Variants in CRIM1 observed in about 807,000 individuals in gnomAD.
CRIM1 encodes cysteine rich transmembrane BMP regulator 1.
CRIM1 carries 32 observed loss-of-function variants against 116.4 expected under a neutral mutation model. The ratio of observed to expected loss-of-function variants is 0.27; its 90% confidence interval spans 0.21 to 0.37. The LOEUF is 0.37. Ranked by LOEUF, CRIM1 falls within the 10% of genes least tolerant of loss-of-function variation. CRIM1 has a pLI of 1.00. For synonymous variants in CRIM1, 590 were observed against 509.2 expected, an observed-to-expected ratio of 1.16 and a Z score of -2.13; for missense variants, 1,331 against 1,354.8, an observed-to-expected ratio of 0.98 and a Z score of 0.28.
chr2:36,462,196 G>C (rs932937734), intron 4 of CRIM1, among the ~76,000 whole-genome samples: 1 of 152,044 alleles, frequency 6.6e-6, no homozygotes, highest in African/African-American at 2.4e-5. Context: ...GAGACAACTT[G>C]TAAGGGACTT....
intron 1 of CRIM1, among the ~76,000 whole-genome samples, chr2:36,381,570 C>T (rs1279992416): frequency 6.6e-6 from 1 of 152,184 alleles, no homozygotes; most frequent in Non-Finnish European, 1.5e-5. Context: ...ACTGTGTGGA[C>T]TAGACACACT....
chr2:36,378,338 C>T, intron 1 of CRIM1: 1 of 471,204 alleles, frequency 2.1e-6, no homozygotes, highest in Non-Finnish European at 4.4e-6. Flanking sequence ...CAGGCGCCAC[C>T]TAACATGTTT....
At chr2:36,398,273 C>G (rs1040197367) in intron 2 of CRIM1, among the ~76,000 whole-genome samples, 7 of 152,152 alleles carry the variant, frequency 4.6e-5, no homozygotes, top group African/African-American at 1.7e-4. Context: ...TGTCTCTACT[C>G]AGGCCCCCTT....
chr2:36,412,618 A>G (rs1001316764), intron 2 of CRIM1, among the ~76,000 whole-genome samples: 2 of 152,318 alleles, frequency 1.3e-5, no homozygotes, highest in Middle Eastern at 3.4e-3. Context: ...TTTTTGCCAT[A>G]TGACTCATAT....
At chr2:36,387,025 A>G (rs1349616362) in intron 1 of CRIM1, among the ~76,000 whole-genome samples, 1 of 152,234 alleles carries the variant, frequency 6.6e-6, no homozygotes, top group Non-Finnish European at 1.5e-5. Context: ...GATCAAGTCT[A>G]AACTGGCTTT....
intron 2 of CRIM1, among the ~76,000 whole-genome samples, chr2:36,429,548 G>A (rs1016013377): frequency 6.6e-6 from 1 of 152,192 alleles, no homozygotes; most frequent in African/African-American, 2.4e-5. Context: ...TATACCTTGA[G>A]CCAGCTCTAC....
chr2:36,394,542 G>A (rs1671864981), intron 1 of CRIM1, among the ~76,000 whole-genome samples: 1 of 151,722 alleles, frequency 6.6e-6, no homozygotes. Flanking sequence ...TTGTTGTCTT[G>A]AAGATAGGAA....
At chr2:36,513,406 A>C in intron 10 of CRIM1, 150 bp from the exon 11 acceptor site, 1 of 634,294 alleles carries the variant, frequency 1.6e-6, no homozygotes, top group East Asian at 2.7e-5. Context: ...TACTGACTTA[A>C]ATTCTTTTCA....
At position 36,413,282 on chromosome 2, in the gene CRIM1, A is replaced by G. The variant is rs139191074; in HGVS notation, c.505+16495A>G. On this transcript the variant is annotated intron_variant, in intron 2 of 16. Transcript: ENST00000280527. ...AAAAACATCCACTTACCACTTTGAAATATGTAAGCCCTTTAATGTTCCTTT... is the reference window on the plus strand; with the variant it reads ...AAAAACATCCACTTACCACTTTGAAGTATGTAAGCCCTTTAATGTTCCTTT... Among the ~76,000 whole-genome samples, 1,252 of 152,330 alleles carry G rather than the reference A, an allele frequency of 8.2e-3. 48 individuals are homozygous for G. In the East Asian group the frequency reaches 0.094, roughly 11 times the overall value.
intron 1 of CRIM1, among the ~76,000 whole-genome samples, chr2:36,391,355 C>G (rs570925366): frequency 1.3e-5 from 2 of 150,772 alleles, no homozygotes; most frequent in African/African-American, 2.4e-5. Flanking sequence ...GTCTCGATCT[C>G]CTGACCTCGT....
At chr2:36,454,228 T>G (rs1558603176) in intron 4 of CRIM1, among the ~76,000 whole-genome samples, 3 of 152,156 alleles carry the variant, frequency 2.0e-5, no homozygotes, top group African/African-American at 7.2e-5. Context: ...CCTATTAGTT[T>G]AAACTTAACA....
At chr2:36,361,788 A>G (rs1213676023) in intron 1 of CRIM1, among the ~76,000 whole-genome samples, 1 of 152,180 alleles carries the variant, frequency 6.6e-6, no homozygotes, top group Non-Finnish European at 1.5e-5. Context: ...CATTTAGTGA[A>G]GCGGGTTCCT....
intron 14 of CRIM1, among the ~76,000 whole-genome samples, chr2:36,543,414 T>A (rs1221075537): frequency 6.6e-6 from 1 of 152,238 alleles, no homozygotes; most frequent in Non-Finnish European, 1.5e-5. Flanking sequence ...CTATTTTAAT[T>A]TATATACTTA....
In CRIM1 at chr2:36,454,430, A is replaced by G. The variant is rs138926471; in HGVS notation, c.870-10104A>G. On this transcript the variant is annotated intron_variant, in intron 4 of 16. Coordinates refer to ENST00000280527, the MANE Select transcript of CRIM1 (RefSeq NM_016441.3). ...TGTTTATCTTTGTGCTGCTAGTTAGAGAAGGCATCATGGAAGAAGTGATCG... is the reference window on the plus strand; with the variant it reads ...TGTTTATCTTTGTGCTGCTAGTTAGGGAAGGCATCATGGAAGAAGTGATCG... Among the ~76,000 whole-genome samples, 488 of 152,274 alleles carry G rather than the reference A, an allele frequency of 3.2e-3. 4 individuals are homozygous for G. The highest frequency in any genetic ancestry group is 4.4e-3 in the Non-Finnish European group (299 of 68,028).
chr2:36,518,541 C>T (rs1179159977), intron 12 of CRIM1, among the ~76,000 whole-genome samples: 2 of 152,116 alleles, frequency 1.3e-5, no homozygotes, highest in East Asian at 3.8e-4. Context: ...TGGAATTGAT[C>T]AGATGAACTT....
intron 9 of CRIM1, among the ~76,000 whole-genome samples, chr2:36,510,893 G>A (rs1377865411): frequency 1.4e-5 from 2 of 139,680 alleles, no homozygotes; most frequent in East Asian, 4.1e-4. Flanking sequence ...TTTCCAATTT[G>A]ATATGTTTAT....
chr2:36,494,415 A>G (rs74386513), intron 7 of CRIM1, among the ~76,000 whole-genome samples: 2,591 of 152,244 alleles, frequency 0.017, 71 homozygotes, highest in African/African-American at 0.059. Flanking sequence ...TAAATTTTTA[A>G]TAAATGTAAA....
chr2:36,484,074 C>T lies in CRIM1; in HGVS notation c.1372+4380C>T, dbSNP rs567171862. On this transcript the variant is annotated intron_variant, in intron 7 of 16. Coordinates refer to ENST00000280527, the MANE Select transcript of CRIM1 (RefSeq NM_016441.3). The stretch of plus-strand genomic sequence containing the variant: ...TCTGATGGGCACTCAGCTCTGGGCT[C>T]CATCCCTGTGTCAGCCTCATGGGCC... Among the ~76,000 whole-genome samples, 250 of 152,324 alleles carry T rather than the reference C, an allele frequency of 1.6e-3. 9 individuals are homozygous for T. In the South Asian group the frequency reaches 0.049, roughly 30 times the overall value.
Position 36,441,484 on chromosome 2 carries a change from C to G in CRIM1, c.732C>G (p.Leu244=), listed in dbSNP as rs2124936271. ...ASGKPGECCD[L]YECKPVFGVD... The stretch of plus-strand genomic sequence containing the variant: ...GGAAGCCGGGAGAGTGCTGTGACCT[C>G]TATGAGTGCAAACCAGGTATGCACG... Residue 244 remains leucine (L), a synonymous_variant, in exon 3 of 17, where the codon CTC becomes CTG. Transcript: ENST00000280527. 6.2e-7 allele frequency: 1 copy of G among 1,611,370 alleles called. No homozygotes were observed. Among genetic ancestry groups the G allele is most frequent in the Non-Finnish European group, 8.5e-7 (1 of 1,180,006 alleles).
Sources: allele counts gnomAD v4.1 joint callset (sites outside exome capture counted in the v4.1 genomes callset), GRCh38; gene constraint gnomAD v4.1.1; transcripts MANE v1.5; gene names NCBI Gene and HGNC (gene_info 2026-07-23, HGNC 2026-07-21).